The following PAX5 variants were observed in gnomAD, a reference collection of about 807,000 sequenced individuals.
The protein encoded by PAX5 is paired box 5, also known as paired box protein Pax-5.
Under a neutral mutation model 43.7 loss-of-function variants are expected in PAX5, and 9 were observed. The observed-to-expected ratio is 0.21, with a 90% CI of 0.12 to 0.36. The LOEUF (loss-of-function observed/expected upper bound fraction) is 0.36. Ranked by LOEUF, PAX5 falls within the 10% of genes least tolerant of loss-of-function variation. PAX5 has a pLI of 1.00. For missense variants in PAX5, 383 were observed against 532.7 expected, an observed-to-expected ratio of 0.72 and a Z score of 2.77; for synonymous variants, 228 against 214.3, an observed-to-expected ratio of 1.06 and a Z score of -0.56.
At chr9:36,942,233 C>T (rs1490024718) in intron 6 of PAX5, among the ~76,000 whole-genome samples, 1 of 152,242 alleles carries the variant, frequency 6.6e-6, no homozygotes, top group Non-Finnish European at 1.5e-5. Context: ...TTCCCATCCC[C>T]TCAATTTTCA....
intron 7 of PAX5, among the ~76,000 whole-genome samples, chr9:36,916,746 G>A (rs78300983): frequency 0.028 from 4,189 of 152,156 alleles, 121 homozygotes; most frequent in Admixed American, 0.086. Flanking sequence ...ATGCAGTGGC[G>A]TGATCTCGGC....
Position 37,034,264 on chromosome 9 carries a change from G to A in PAX5, c.-233C>T, listed in dbSNP as rs188714018. 1.9e-6 allele frequency: 1 copy of A among 524,480 alleles called. No homozygotes were observed. The highest frequency in any genetic ancestry group is 3.3e-5 in the East Asian group (1 of 30,668). The allele number at this position is 524,480 out of a possible 1,614,324, so 32.5% of individuals were successfully genotyped here. On this transcript the variant is annotated 5_prime_UTR_variant, in exon 1 of 10. Transcript: ENST00000358127. ...CCGAAGGCACCGTGAAATGATTAAG[G>A]AACTAAAGAGCTTCTCGCCATGTGA...
intron 7 of PAX5, 25 bp downstream of exon 7, chr9:36,923,330 T>C: frequency 6.2e-7 from 1 of 1,601,598 alleles, no homozygotes; most frequent in Non-Finnish European, 8.5e-7. Context: ...CCCTCACTCA[T>C]CCCCCATGCC....
In PAX5 at chr9:36,976,465, A is replaced by G. The variant is rs146562712; in HGVS notation, c.605-9741T>C. On this transcript the variant is annotated intron_variant, in intron 5 of 9. Transcript: ENST00000358127. ...ATTCCGGGTACAGGCAACCAGGTTA[A>G]GTTGGCAAACGCTTCTAGGACATCT... is the stretch of plus-strand genomic sequence containing the variant. Among the ~76,000 whole-genome samples, 88 of 152,318 alleles carry G rather than the reference A, an allele frequency of 5.8e-4. 1 individual carries two copies. In the East Asian group the frequency reaches 0.015, roughly 27 times the overall value.
At chr9:37,016,604 C>T (rs984715327) in intron 2 of PAX5, among the ~76,000 whole-genome samples, 3 of 152,182 alleles carry the variant, frequency 2.0e-5, no homozygotes, top group African/African-American at 4.8e-5. Context: ...TGAGACATCA[C>T]CAGACGTCTC....
intron 6 of PAX5, among the ~76,000 whole-genome samples, chr9:36,952,935 T>C (rs903115435): frequency 6.6e-6 from 1 of 152,204 alleles, no homozygotes; most frequent in Non-Finnish European, 1.5e-5. Flanking sequence ...TTTCTCCAAC[T>C]CCCTTCTTTC....
chr9:36,856,454 T>G (rs1037339675), intron 8 of PAX5: 1 of 152,178 alleles, frequency 6.6e-6, no homozygotes, highest in African/African-American at 2.4e-5. Flanking sequence ...CCCTGCCACA[T>G]AATGACAGCA....
chr9:36,912,544 G>A (rs771489323), intron 7 of PAX5, among the ~76,000 whole-genome samples: 18 of 152,180 alleles, frequency 1.2e-4, no homozygotes, highest in Non-Finnish European at 2.4e-4. Context: ...TCATATAATG[G>A]CAGTAGGCTG....
At chr9:36,925,046 T>G (rs532914148) in intron 6 of PAX5, among the ~76,000 whole-genome samples, 1 of 151,936 alleles carries the variant, frequency 6.6e-6, no homozygotes, top group South Asian at 2.1e-4. Context: ...CTGAGTAAAA[T>G]GATGAGGACT....
chr9:37,033,374 T>C (rs1268462148), intron 1 of PAX5, among the ~76,000 whole-genome samples: 4 of 152,222 alleles, frequency 2.6e-5, no homozygotes, highest in Non-Finnish European at 5.9e-5. Context: ...CGGACAGCCG[T>C]TGACATCCAA....
intron 7 of PAX5, among the ~76,000 whole-genome samples, chr9:36,892,121 G>A (rs773601318): frequency 6.6e-6 from 1 of 152,172 alleles, no homozygotes; most frequent in African/African-American, 2.4e-5. Context: ...ACAAAGTCAG[G>A]GTTCTAATTA....
chr9:36,997,567 C>T (rs1837495310), intron 5 of PAX5, among the ~76,000 whole-genome samples: 1 of 152,204 alleles, frequency 6.6e-6, no homozygotes, highest in Admixed American at 6.5e-5. Flanking sequence ...TCTCTCCCTG[C>T]CACCACCTCC....
rs141280699 is a variant in PAX5, at chr9:36,870,571, A to G, written c.1012+11433T>C. ...TTAACAACAATGTTACAATTTGTAA[A>G]CATTTACTATGACATTTATTAATGT... On this transcript the variant is annotated intron_variant, in intron 8 of 9. Coordinates refer to ENST00000358127, the MANE Select transcript of PAX5 (RefSeq NM_016734.3). Among the ~76,000 whole-genome samples, 364 of 152,376 alleles carry G rather than the reference A, an allele frequency of 2.4e-3. 1 individual carries two copies. The highest frequency in any genetic ancestry group is 8.4e-3 in the African/African-American group (349 of 41,592).
At chr9:37,003,154 T>TAAAAAAAAAAAAAAA (rs67081521) in intron 4 of PAX5, among the ~76,000 whole-genome samples, 5 of 75,830 alleles carry the variant, frequency 6.6e-5, no homozygotes, top group East Asian at 9.0e-4. Flanking sequence ...AGTCAGTGCT[T>TAAAAAAAAAAAAAAA]AAAAAAAAAA....
chr9:37,017,031 C>T (rs1839443788), intron 2 of PAX5, among the ~76,000 whole-genome samples: 1 of 152,128 alleles, frequency 6.6e-6, no homozygotes, highest in South Asian at 2.1e-4. Context: ...TCTGTAATTG[C>T]CAAAAAATTA....
chr9:36,924,791 G>C (rs1195032236), intron 6 of PAX5, among the ~76,000 whole-genome samples: 1 of 89,244 alleles, frequency 1.1e-5, no homozygotes, highest in Non-Finnish European at 2.5e-5. Context: ...AAAAGAGAAA[G>C]GGAGGGAGGG....
In PAX5 at chr9:36,929,235, GAGGAAGGAAGGAAGGAAGGAAGGA is replaced by G. The variant is rs56223123; in HGVS notation, c.781-5775_781-5752del. On this transcript the variant is annotated intron_variant, in intron 6 of 9. Transcript: ENST00000358127. ...AGGAAGGAAGGAAGAAGGAAGGAAGGAGGAAGGAAGGAAGGAAGGAAGGAAGGAAGGAAGGAAGGAAGGAAGGAA... is the reference window on the plus strand; with the variant it reads ...AGGAAGGAAGGAAGAAGGAAGGAAGGAGGAAGGAAGGAAGGAAGGAAGGAA... 2.4e-3 allele frequency among the ~76,000 whole-genome samples: 327 copies of G among 134,462 alleles called. 3 individuals carry two copies. The highest frequency in any genetic ancestry group is 6.5e-3 in the South Asian group (26 of 3,990). 88.2% of individuals were successfully genotyped at this position (134,462 alleles called of 152,430 possible).
In PAX5 at chr9:36,833,927, C is replaced by T. The variant is rs1415740380; in HGVS notation, c.*6633G>A. ...CAGGCATCACAAACTTTGGCGGATACAGTAGATATGTATTTCTTTGATGCT... is the reference window on the plus strand; with the variant it reads ...CAGGCATCACAAACTTTGGCGGATATAGTAGATATGTATTTCTTTGATGCT... On this transcript the variant is annotated 3_prime_UTR_variant, in exon 10 of 10. Coordinates refer to ENST00000358127, the MANE Select transcript of PAX5 (RefSeq NM_016734.3). The T allele has an allele frequency of 1.3e-5, 3 of 231,178 alleles. No individual in the cohort carries two copies. The highest frequency in any genetic ancestry group is 2.6e-5 in the Non-Finnish European group (3 of 117,556). 14.3% of individuals were successfully genotyped at this position (231,178 alleles called of 1,614,324 possible).
Position 37,033,353 on chromosome 9 carries a change from C to T in PAX5, c.46+633G>A, listed in dbSNP as rs528056048. ...CCTAGAGACACAATGTGAACATTGG[C>T]GTGTATGCATCGGACAGCCGTTGAC... On this transcript the variant is annotated intron_variant, in intron 1 of 9. Coordinates refer to ENST00000358127, the MANE Select transcript of PAX5 (RefSeq NM_016734.3). Among the ~76,000 whole-genome samples the T allele has an allele frequency of 3.9e-5, 6 of 152,260 alleles. No homozygotes were observed. In the East Asian group the frequency reaches 1.2e-3, roughly 29 times the overall value.
Sources: allele counts gnomAD v4.1 joint callset (sites outside exome capture counted in the v4.1 genomes callset), GRCh38; gene constraint gnomAD v4.1.1; transcripts MANE v1.5; gene names NCBI Gene and HGNC (gene_info 2026-07-23, HGNC 2026-07-21).